TTC28: variants seen among roughly 807,000 people sequenced by gnomAD.
The protein encoded by TTC28 is tetratricopeptide repeat protein 28.
TTC28 carries 61 observed loss-of-function variants against 198.0 expected under a neutral mutation model. That is an observed-to-expected ratio of 0.31 (90% confidence interval 0.25 to 0.38). The LOEUF (loss-of-function observed/expected upper bound fraction) is 0.38. Ranked by LOEUF, TTC28 falls within the 10% of genes least tolerant of loss-of-function variation. The pLI is 1.00. For synonymous variants in TTC28, 1,171 were observed against 1,297.8 expected, an observed-to-expected ratio of 0.90 and a Z score of 2.10; for missense variants, 2,678 against 3,164.0, an observed-to-expected ratio of 0.85 and a Z score of 3.69.
chr22:28,337,321 T>A (rs1257105519), intron 2 of TTC28, among the ~76,000 whole-genome samples: 2 of 152,186 alleles, frequency 1.3e-5, no homozygotes, highest in South Asian at 2.1e-4. Context: ...ATTCTGTTGA[T>A]TTGGGGTGGA....
At chr22:28,195,906 T>C (rs894243544) in intron 5 of TTC28, among the ~76,000 whole-genome samples, 16 of 151,972 alleles carry the variant, frequency 1.1e-4, no homozygotes, top group African/African-American at 3.1e-4. Context: ...AAGCTACCAA[T>C]GACTTTCTTC....
intron 5 of TTC28, among the ~76,000 whole-genome samples, chr22:28,181,030 A>C (rs1295902577): frequency 6.6e-6 from 1 of 152,164 alleles, no homozygotes; most frequent in African/African-American, 2.4e-5. Context: ...TAGTGGGAAT[A>C]GTTGGTTTTA....
intron 1 of TTC28, among the ~76,000 whole-genome samples, chr22:28,659,661 C>CTGAGGCAAGAGAATCCCT (rs2051711612): frequency 6.6e-6 from 1 of 152,136 alleles, no homozygotes; most frequent in Admixed American, 6.5e-5. Flanking sequence ...ACTTAGGAGG[C>CTGAGGCAAGAGAATCCCT]TGAGGCAAGA....
At chr22:28,506,693 C>G (rs547718896) in intron 2 of TTC28, among the ~76,000 whole-genome samples, 1 of 152,336 alleles carries the variant, frequency 6.6e-6, no homozygotes, top group East Asian at 1.9e-4. Flanking sequence ...TGGGACAGAG[C>G]ATTCAGAAGA....
At chr22:28,508,545 A>G (rs904107841) in intron 2 of TTC28, among the ~76,000 whole-genome samples, 1 of 152,134 alleles carries the variant, frequency 6.6e-6, no homozygotes, top group Non-Finnish European at 1.5e-5. Context: ...TCAGCCTCCC[A>G]AAGTGCTGGG....
chr22:28,077,240 ACTCT>A (rs1261550272), intron 12 of TTC28, among the ~76,000 whole-genome samples: 2 of 151,958 alleles, frequency 1.3e-5, no homozygotes, highest in African/African-American at 4.8e-5. Context: ...CATGCACAAG[ACTCT>A]CTCTTGGATA....
intron 2 of TTC28, among the ~76,000 whole-genome samples, chr22:28,521,500 A>G (rs527977047): frequency 2.0e-5 from 3 of 152,282 alleles, no homozygotes; most frequent in African/African-American, 7.2e-5. Context: ...GAGAGGAGAA[A>G]ACAAAAGAGC....
chr22:28,471,038 C>A (rs887265616), intron 2 of TTC28, among the ~76,000 whole-genome samples: 1 of 152,188 alleles, frequency 6.6e-6, no homozygotes, highest in Non-Finnish European at 1.5e-5. Flanking sequence ...CAACATGAAT[C>A]CCAGACCTTA....
chr22:28,372,788 G>A (rs1326786033), intron 2 of TTC28, among the ~76,000 whole-genome samples: 1 of 152,176 alleles, frequency 6.6e-6, no homozygotes, highest in Non-Finnish European at 1.5e-5. Flanking sequence ...GATTTGTGCT[G>A]TAGGGGAATA....
At chr22:28,238,327 T>C (rs1183188331) in intron 5 of TTC28, among the ~76,000 whole-genome samples, 1 of 152,200 alleles carries the variant, frequency 6.6e-6, no homozygotes, top group African/African-American at 2.4e-5. Context: ...TTAGGTTATC[T>C]GATCTTTTCT....
intron 2 of TTC28, among the ~76,000 whole-genome samples, chr22:28,390,936 C>T (rs1409120491): frequency 1.3e-5 from 2 of 152,168 alleles, no homozygotes; most frequent in Non-Finnish European, 2.9e-5. Context: ...TTCTTCCTAG[C>T]CTCGATGGTC....
chr22:27,998,983 G>A lies in TTC28; in HGVS notation c.4676C>T (p.Thr1559Met), dbSNP rs1436569029. Residue 1559 changes from threonine (T) to methionine (M), a missense_variant, in exon 16 of 23, where the codon ACG becomes ATG. Thr to Met is a moderately conservative substitution (Grantham distance 81). This residue lies in a region of TTC28 where 727 missense variants were observed against 861.9 expected (regional missense o/e 0.84). Coordinates refer to ENST00000397906, the MANE Select transcript of TTC28 (RefSeq NM_001145418.2). ...ISWKLSALVL[T>M]PSMDGNPASS... is the part of the protein sequence containing the mutation. ...GGCAGGGTTGCCGTCCATGCTGGGC[G>A]TGAGGACCAAGGCCGACAGCTTCCA... 23 of 1,550,518 alleles carry A rather than the reference G, an allele frequency of 1.5e-5. No homozygotes were observed. Among genetic ancestry groups the A allele is most frequent in the Admixed American group, 2.0e-5 (1 of 50,982 alleles).
intron 2 of TTC28, among the ~76,000 whole-genome samples, chr22:28,496,629 GTCA>G (rs951313320): frequency 5.9e-5 from 9 of 151,992 alleles, no homozygotes; most frequent in African/African-American, 1.9e-4. Flanking sequence ...CCTTGTCCAG[GTCA>G]TCATCATATC....
intron 2 of TTC28, among the ~76,000 whole-genome samples, chr22:28,423,466 C>T (rs117075190): frequency 0.017 from 2,527 of 152,282 alleles, 40 homozygotes; most frequent in Middle Eastern, 0.027. Flanking sequence ...CAGCACATAG[C>T]TTTCCCCACA....
chr22:28,081,203 G>A (rs890699130), intron 12 of TTC28, among the ~76,000 whole-genome samples: 3 of 151,324 alleles, frequency 2.0e-5, no homozygotes, highest in African/African-American at 7.3e-5. Context: ...ATATTTTTTG[G>A]AGACAAAGTC....
At chr22:28,554,917 A>G (rs2145976065) in intron 2 of TTC28, among the ~76,000 whole-genome samples, 1 of 152,306 alleles carries the variant, frequency 6.6e-6, no homozygotes, top group African/African-American at 2.4e-5. Context: ...GTTAACAGAC[A>G]ATCCACGGAG....
At chr22:27,992,482 T>G in intron 19 of TTC28, 105 bp downstream of exon 19, 2 of 1,163,510 alleles carry the variant, frequency 1.7e-6, no homozygotes, top group Non-Finnish European at 2.4e-6. Flanking sequence ...ACAAAGGCGG[T>G]GAGACTGCAT....
chr22:28,072,559 A>G (rs970669473), intron 12 of TTC28, among the ~76,000 whole-genome samples: 2 of 152,198 alleles, frequency 1.3e-5, no homozygotes, highest in African/African-American at 4.8e-5. Context: ...GTGGGCAAAC[A>G]TGGGTGGGTC....
rs186323876 is a variant in TTC28 at position 28,032,211 on chromosome 22, T to C, written c.3933-1845A>G. On this transcript the variant is annotated intron_variant, in intron 12 of 22. Transcript: ENST00000397906. Reference sequence around the variant, plus strand: ...ATAAAATATATATATATAAAATATATATATATAAAATATATATATATAAAA... The same window carrying C: ...ATAAAATATATATATATAAAATATACATATATAAAATATATATATATAAAA... 6.6e-3 allele frequency among the ~76,000 whole-genome samples: 770 copies of C among 116,684 alleles called. 14 individuals carry two copies. Among genetic ancestry groups the C allele is most frequent in the Middle Eastern group, 0.012 (3 of 250 alleles). 76.5% of individuals were successfully genotyped at this position (116,684 alleles called of 152,430 possible). A position where few individuals can be genotyped will look rare whatever the true frequency, so the allele number is the denominator to read the frequency against.
Sources: gnomAD v4.1 joint callset for allele counts (sites outside exome capture counted in the v4.1 genomes callset) on GRCh38, gnomAD v4.1.1 for gene constraint, gnomAD v4.1.1 regional missense constraint, MANE v1.5 for transcripts, NCBI Gene and HGNC (gene_info 2026-07-23, HGNC 2026-07-21) for gene names.